KIAA1217: variants seen among roughly 807,000 people sequenced by gnomAD.
KIAA1217 encodes KIAA1217.
Under a neutral mutation model 163.9 loss-of-function variants are expected in KIAA1217, and 88 were observed. That is an observed-to-expected ratio of 0.54 (90% confidence interval 0.45 to 0.64). The LOEUF is 0.64. KIAA1217 is among the 30% of genes least tolerant of loss of function. The pLI, the probability that KIAA1217 is intolerant of heterozygous loss-of-function variation, is 0.00. For missense variants in KIAA1217, 2,372 were observed against 2,475.0 expected (o/e 0.96, Z 0.88); for synonymous variants, 903 against 923.1 (o/e 0.98, Z 0.39).
chr10:23,812,707 C>G (rs995096882), intron 1 of KIAA1217, among the ~76,000 whole-genome samples: 7 of 152,172 alleles, frequency 4.6e-5, no homozygotes, highest in Non-Finnish European at 7.3e-5. Context: ...CAATTTTCTA[C>G]TCCAGCACTA....
intron 2 of KIAA1217, among the ~76,000 whole-genome samples, chr10:24,309,345 C>T (rs866380791): frequency 2.3e-3 from 171 of 75,994 alleles, no homozygotes; most frequent in African/African-American, 7.9e-3. Context: ...CGCGCACGCG[C>T]GCGCGCACAC....
chr10:23,742,180 T>C (rs1839158554), intron 1 of KIAA1217, among the ~76,000 whole-genome samples: 1 of 152,066 alleles, frequency 6.6e-6, no homozygotes, highest in African/African-American at 2.4e-5. Context: ...GAGTACATGA[T>C]AAATATCAAA....
chr10:23,749,323 A>AG (rs1246827855), intron 1 of KIAA1217, among the ~76,000 whole-genome samples: 15 of 151,662 alleles, frequency 9.9e-5, no homozygotes, highest in African/African-American at 3.4e-4. Context: ...CTTCACACTT[A>AG]CTCTGATTCT....
In KIAA1217 at chr10:24,546,051, C is replaced by T. The variant is rs2075700379; in HGVS notation, c.5559C>T (p.Leu1853=). 1 of 1,614,122 alleles carries T rather than the reference C, an allele frequency of 6.2e-7. No individual in the cohort carries two copies. The highest frequency in any genetic ancestry group is 8.5e-7 in the Non-Finnish European group (1 of 1,180,050). The part of the protein sequence containing the change: ...QTGPPAHSAS[L]IPSVSNGSLK... ...GACCACCTGCTCACTCTGCCTCCCTCATCCCTTCTGTCTCTAATGGCTCTT... is the reference window on the plus strand; with the variant it reads ...GACCACCTGCTCACTCTGCCTCCCTTATCCCTTCTGTCTCTAATGGCTCTT... The change falls in exon 21 of 21, where the codon CTC becomes CTT. Residue 1853 remains leucine (L), a synonymous_variant. Coordinates refer to ENST00000376454, the MANE Select transcript of KIAA1217 (RefSeq NM_019590.5).
Position 24,113,228 on chromosome 10 carries a change from C to T in KIAA1217, c.-171+105854C>T, listed in dbSNP as rs577094847. The stretch of plus-strand genomic sequence containing the variant: ...TGGAGACTGTAGACATCTAGGTCCA[C>T]CAGTGGGAAATAATAGCTATTTTCT... On this transcript the variant is annotated intron_variant, in intron 2 of 18. Coordinates refer to the KIAA1217 transcript ENST00000376462. Among the ~76,000 whole-genome samples, 6 of 152,264 alleles carry T rather than the reference C, an allele frequency of 3.9e-5. 1 individual carries two copies. The South Asian group carries it at 1.2e-3, about 32-fold the overall frequency.
At chr10:24,351,042 G>C (rs1009351224) in intron 2 of KIAA1217, among the ~76,000 whole-genome samples, 4 of 152,036 alleles carry the variant, frequency 2.6e-5, no homozygotes, top group African/African-American at 4.8e-5. Context: ...CCGCCTCCTG[G>C]GTTCAAGCAA....
At chr10:24,462,657 C>G (rs1243143201) in intron 5 of KIAA1217, among the ~76,000 whole-genome samples, 1 of 152,102 alleles carries the variant, frequency 6.6e-6, no homozygotes, top group African/African-American at 2.4e-5. Flanking sequence ...TTCTGGAGCC[C>G]ATGAAATGTC....
intron 3 of KIAA1217, among the ~76,000 whole-genome samples, chr10:24,386,779 C>T (rs1206838450): frequency 6.6e-6 from 1 of 152,008 alleles, no homozygotes; most frequent in Non-Finnish European, 1.5e-5. Context: ...TGGGGTCTTG[C>T]TGTGTTTTCT....
chr10:24,317,775 G>C (rs1264485903), intron 2 of KIAA1217, among the ~76,000 whole-genome samples: 1 of 152,158 alleles, frequency 6.6e-6, no homozygotes, highest in East Asian at 1.9e-4. Context: ...ACAGCTAACA[G>C]CTCCGTTTAT....
rs184532894 is a variant in KIAA1217, at chr10:23,998,352, C to T, written c.-320-8873C>T. Among the ~76,000 whole-genome samples, 7 of 152,252 alleles carry T rather than the reference C, an allele frequency of 4.6e-5. No individual in the cohort carries two copies. In the East Asian group the frequency reaches 9.7e-4, roughly 21 times the overall value. The stretch of plus-strand genomic sequence containing the variant: ...AAAGGACCCCAAGAGGTTGTCTGGT[C>T]TGCATCCAAATCTTCAGGCATCAGT... On this transcript the variant is annotated intron_variant, in intron 1 of 18. Coordinates refer to the KIAA1217 transcript ENST00000376462.
At chr10:24,420,757 C>T (rs1045451228) in intron 3 of KIAA1217, among the ~76,000 whole-genome samples, 5 of 152,000 alleles carry the variant, frequency 3.3e-5, no homozygotes, top group African/African-American at 1.2e-4. Flanking sequence ...CCAATTTTCC[C>T]GACACTATTT....
At chr10:24,003,807 G>T (rs1335760607) in intron 1 of KIAA1217, among the ~76,000 whole-genome samples, 15 of 152,148 alleles carry the variant, frequency 9.9e-5, no homozygotes. Flanking sequence ...TGTTCATTCA[G>T]ACTCAGTGGG....
chr10:24,341,284 T>C (rs925784897), intron 2 of KIAA1217, among the ~76,000 whole-genome samples: 5 of 152,126 alleles, frequency 3.3e-5, no homozygotes, highest in South Asian at 2.1e-4. Flanking sequence ...ATGTCTTCTA[T>C]GTACAGGCAA....
intron 2 of KIAA1217, among the ~76,000 whole-genome samples, chr10:24,359,503 G>A (rs1266682582): frequency 6.6e-6 from 1 of 152,152 alleles, no homozygotes; most frequent in African/African-American, 2.4e-5. Flanking sequence ...ATACAACAAA[G>A]TATAATATAA....
intron 2 of KIAA1217, among the ~76,000 whole-genome samples, chr10:24,053,711 A>G (rs1849681774): frequency 6.6e-6 from 1 of 152,218 alleles, no homozygotes. Flanking sequence ...AGTTAAAAAT[A>G]AGTAAAACAT....
chr10:24,392,444 A>G (rs2055110712), intron 3 of KIAA1217, among the ~76,000 whole-genome samples: 1 of 152,202 alleles, frequency 6.6e-6, no homozygotes, highest in African/African-American at 2.4e-5. Flanking sequence ...CTTAGAATCT[A>G]TAGATTTCCA....
intron 2 of KIAA1217, among the ~76,000 whole-genome samples, chr10:24,064,343 G>A (rs563693730): frequency 6.6e-6 from 1 of 151,998 alleles, no homozygotes; most frequent in East Asian, 1.9e-4. Flanking sequence ...TGAGAGTTTT[G>A]GGCATGAGGG....
At chr10:24,342,590 G>A (rs1431757563) in intron 2 of KIAA1217, among the ~76,000 whole-genome samples, 5 of 151,188 alleles carry the variant, frequency 3.3e-5, no homozygotes, top group South Asian at 2.1e-4. Context: ...TCTGTATGTC[G>A]CTTCTCCACT....
At chr10:24,484,216 TAG>T (rs2065062259) in intron 6 of KIAA1217, among the ~76,000 whole-genome samples, 1 of 133,824 alleles carries the variant, frequency 7.5e-6, no homozygotes, top group African/African-American at 2.8e-5. Flanking sequence ...TATAGATAGA[TAG>T]ATATACATAT....
Sources: gnomAD v4.1 joint callset for allele counts (sites outside exome capture counted in the v4.1 genomes callset) on GRCh38, gnomAD v4.1.1 for gene constraint, MANE v1.5 for transcripts, NCBI Gene and HGNC (gene_info 2026-07-23, HGNC 2026-07-21) for gene names.